TRAPPC3L: variants seen among roughly 807,000 people sequenced by gnomAD.
TRAPPC3L encodes trafficking protein particle complex subunit 3-like protein.
TRAPPC3L carries 23 observed loss-of-function variants against 23.7 expected under a neutral mutation model. That is an observed-to-expected ratio of 0.97 (90% CI 0.70 to 1.37). TRAPPC3L has a LOEUF of 1.37. TRAPPC3L is among the 40% of genes most tolerant of loss of function. The pLI, the probability that TRAPPC3L is intolerant of heterozygous loss-of-function variation, is 0.00. For missense variants in TRAPPC3L, 212 were observed against 216.8 expected (o/e 0.98, Z 0.14); for synonymous variants, 81 against 77.9 (o/e 1.04, Z -0.21).
chr6:116,509,681 T>G (rs758139316), intron 3 of TRAPPC3L, among the ~76,000 whole-genome samples: 1 of 152,164 alleles, frequency 6.6e-6, no homozygotes, highest in African/African-American at 2.4e-5. Context: ...AAACTCAAGA[T>G]GGATCAAACG....
chr6:116,545,266 C>T (rs1773711777), intron 1 of TRAPPC3L, among the ~76,000 whole-genome samples: 1 of 151,676 alleles, frequency 6.6e-6, no homozygotes, highest in African/African-American at 2.4e-5. Context: ...AAAAGAAGAC[C>T]TTAAAGTGTG....
intron 3 of TRAPPC3L, among the ~76,000 whole-genome samples, chr6:116,514,111 G>T (rs1044855318): frequency 6.6e-6 from 1 of 152,012 alleles, no homozygotes; most frequent in Non-Finnish European, 1.5e-5. Context: ...ACACTTTTGA[G>T]GGCTGGTATG....
At chr6:116,508,479 G>A (rs1354103240) in intron 3 of TRAPPC3L, among the ~76,000 whole-genome samples, 1 of 152,140 alleles carries the variant, frequency 6.6e-6, no homozygotes, top group East Asian at 1.9e-4. Flanking sequence ...AGTTTTAGAA[G>A]GATCCTTTTC....
Position 116,496,898 on chromosome 6 carries a change from A to C in TRAPPC3L, c.*56T>G. 1 of 1,509,838 alleles carries C rather than the reference A, an allele frequency of 6.6e-7. No homozygotes were observed. The allele number at this position is 1,509,838 out of a possible 1,614,324, so 93.5% of individuals were successfully genotyped here. ...CAATTCAAAATTTCTATGTCTATAC[A>C]TGTTTAGCTAACATTAACTCAGCTA... On this transcript the variant is annotated 3_prime_UTR_variant, in exon 5 of 5. Transcript: ENST00000368602.
At position 116,524,783 on chromosome 6, in the gene TRAPPC3L, T is replaced by G. The variant is rs963897014; in HGVS notation, c.240+15580A>C. The G allele has an allele frequency of 5.9e-5, 9 of 152,172 alleles. No individual in the cohort carries two copies. The South Asian group carries it at 1.4e-3, about 24-fold the overall frequency. The allele number at this position is 152,172 out of a possible 1,614,324, so 9.4% of individuals were successfully genotyped here. ...TATTTCAATAAAAAAGTTGGAAAAT[T>G]TTCAACTTATTTTCCTTTCTGTGCT... On this transcript the variant is annotated intron_variant, in intron 3 of 4. Coordinates refer to ENST00000368602, the MANE Select transcript of TRAPPC3L (RefSeq NM_001139444.3).
At position 116,511,566 on chromosome 6, in the gene TRAPPC3L, T is replaced by C; in HGVS notation, c.241-10900A>G. ...TTCATTCCTAAGGAATGACATTGTT[T>C]CCTTATCTGGCTCAATTCAGTCTGA... On this transcript the variant is annotated intron_variant, in intron 3 of 4. Transcript: ENST00000368602. 5.1e-6 allele frequency: 4 copies of C among 786,708 alleles called. No individual in the cohort carries two copies. In the South Asian group the frequency reaches 7.2e-5, roughly 14 times the overall value. The allele number at this position is 786,708 out of a possible 1,614,324, so 48.7% of individuals were successfully genotyped here. A position where few individuals can be genotyped will look rare whatever the true frequency, so the allele number is the denominator to read the frequency against.
chr6:116,506,499 C>G (rs4945557), intron 3 of TRAPPC3L, among the ~76,000 whole-genome samples: 1 of 151,916 alleles, frequency 6.6e-6, no homozygotes. Context: ...TTTGACCCAG[C>G]GATCCCATTA....
intron 1 of TRAPPC3L, 49 bp from the exon 2 acceptor site, chr6:116,543,449 AC>A: frequency 8.1e-6 from 11 of 1,358,302 alleles, no homozygotes; most frequent in Non-Finnish European, 1.1e-5. Flanking sequence ...ATGACAGTAT[AC>A]TACTGTATTT....
intron 3 of TRAPPC3L, among the ~76,000 whole-genome samples, chr6:116,525,110 T>C (rs1019853944): frequency 2.0e-5 from 3 of 152,246 alleles, no homozygotes; most frequent in African/African-American, 4.8e-5. Context: ...TTTAGTATAT[T>C]CTTGAGTGTT....
At chr6:116,499,259 G>A (rs964079220) in intron 4 of TRAPPC3L, among the ~76,000 whole-genome samples, 5 of 152,074 alleles carry the variant, frequency 3.3e-5, no homozygotes, top group African/African-American at 1.2e-4. Flanking sequence ...TCTTTTTGAT[G>A]TTGTTCAAAT....
At position 116,496,730 on chromosome 6, in the gene TRAPPC3L, C is replaced by T. The variant is rs1044225939; in HGVS notation, c.*224G>A. The T allele has an allele frequency of 1.0e-5, 5 of 490,152 alleles. No homozygotes were observed. Among genetic ancestry groups the T allele is most frequent in the African/African-American group, 8.3e-5 (4 of 48,326 alleles). The allele number at this position is 490,152 out of a possible 1,614,324, so 30.4% of individuals were successfully genotyped here. ...TTCCTGCCTGCTATCTTGTAAGGAG[C>T]TATTTGCATATGAAATTTTGTGGAC... On this transcript the variant is annotated 3_prime_UTR_variant, in exon 5 of 5. Transcript: ENST00000368602.
chr6:116,531,554 G>A (rs1772725890), intron 3 of TRAPPC3L, among the ~76,000 whole-genome samples: 1 of 152,094 alleles, frequency 6.6e-6, no homozygotes, highest in African/African-American at 2.4e-5. Context: ...CTTTCATGGG[G>A]TCTGATTATC....
At chr6:116,541,016 C>A (rs903604998) in intron 2 of TRAPPC3L, among the ~76,000 whole-genome samples, 1 of 152,036 alleles carries the variant, frequency 6.6e-6, no homozygotes, top group Non-Finnish European at 1.5e-5. Context: ...AAGTGAAAAA[C>A]AGCCAAGTTC....
In TRAPPC3L at chr6:116,495,028, C is replaced by A. The variant is rs1266425921; in HGVS notation, c.*1926G>T. ...ATGTTACCCAAGCTGGTCTCAAACT[C>A]CTGAGCTCAAGCAATCCTCCCACTT... On this transcript the variant is annotated 3_prime_UTR_variant, in exon 5 of 5. Transcript: ENST00000368602. 2 of 126,160 alleles carry A rather than the reference C, an allele frequency of 1.6e-5. No individual in the cohort carries two copies. Among genetic ancestry groups the A allele is most frequent in the Non-Finnish European group, 3.2e-5 (2 of 63,378 alleles). The allele number at this position is 126,160 out of a possible 1,614,324, so 7.8% of individuals were successfully genotyped here. A position where few individuals can be genotyped will look rare whatever the true frequency, so the allele number is the denominator to read the frequency against.
Position 116,525,025 on chromosome 6 carries a change from C to G in TRAPPC3L, c.240+15338G>C, listed in dbSNP as rs1772419105. ...CAAAAAGGCTAAGGTGGTTATGCCA[C>G]TGTTAAGTTATTGAACATCAATTTG... On this transcript the variant is annotated intron_variant, in intron 3 of 4. Coordinates refer to ENST00000368602, the MANE Select transcript of TRAPPC3L (RefSeq NM_001139444.3). Among the ~76,000 whole-genome samples the G allele has an allele frequency of 2.0e-5, 3 of 152,198 alleles. No individual in the cohort carries two copies. The South Asian group carries it at 6.2e-4, about 32-fold the overall frequency.
At chr6:116,509,751 T>C (rs1029883641) in intron 3 of TRAPPC3L, among the ~76,000 whole-genome samples, 1 of 152,160 alleles carries the variant, frequency 6.6e-6, no homozygotes, top group Admixed American at 6.6e-5. Flanking sequence ...AAAACTCTTC[T>C]GGACATTGGC....
chr6:116,513,715 C>T (rs917789146), intron 3 of TRAPPC3L, among the ~76,000 whole-genome samples: 3 of 152,152 alleles, frequency 2.0e-5, no homozygotes, highest in African/African-American at 7.2e-5. Flanking sequence ...GCATATAGTC[C>T]AGACCAACAA....
intron 3 of TRAPPC3L, among the ~76,000 whole-genome samples, chr6:116,510,773 T>C (rs1772100209): frequency 6.6e-6 from 1 of 151,846 alleles, no homozygotes; most frequent in African/African-American, 2.4e-5. Flanking sequence ...TAAGTACCCA[T>C]CAACTGATGA....
At chr6:116,528,890 A>C (rs933293762) in intron 3 of TRAPPC3L, 1 of 152,266 alleles carries the variant, frequency 6.6e-6, no homozygotes, top group African/African-American at 2.4e-5. Flanking sequence ...TTTGAAAAAC[A>C]GGACGAGCAA....
Sources: allele counts gnomAD v4.1 joint callset (sites outside exome capture counted in the v4.1 genomes callset), GRCh38; gene constraint gnomAD v4.1.1; transcripts MANE v1.5; gene names NCBI Gene and HGNC (gene_info 2026-07-23, HGNC 2026-07-21).